DENND5A: variants seen among roughly 807,000 people sequenced by gnomAD.
DENND5A encodes the protein DENN domain-containing protein 5A.
In DENND5A, 64 loss-of-function variants were observed where a neutral mutation model predicts 140.3. That is an observed-to-expected ratio of 0.46 (90% CI 0.37 to 0.56). The LOEUF (loss-of-function observed/expected upper bound fraction) is 0.56, where lower values mean the gene tolerates loss of function less well. DENND5A is among the 20% of genes least tolerant of loss of function. DENND5A has a pLI of 0.00. For missense variants in DENND5A, 1,292 were observed against 1,593.8 expected (o/e 0.81, Z 3.22); for synonymous variants, 605 against 607.7 (o/e 1.00, Z 0.07).
chr11:9,152,270 C>G (rs1420069050), intron 13 of DENND5A, 88 bp downstream of exon 13: 3 of 991,086 alleles, frequency 3.0e-6, no homozygotes, highest in Non-Finnish European at 4.9e-6. Flanking sequence ...CTTCTTCGAC[C>G]TGGAATAGTT....
At chr11:9,203,512 A>G (rs1024446493) in intron 4 of DENND5A, 148 bp downstream of exon 4, 2 of 811,186 alleles carry the variant, frequency 2.5e-6, no homozygotes, top group African/African-American at 3.5e-5. Flanking sequence ...ATGTCTATCA[A>G]TTTGCCATCC....
chr11:9,178,401 G>A (rs1183329008), intron 7 of DENND5A, 35 bp from the exon 8 acceptor site: 1 of 1,360,366 alleles, frequency 7.4e-7, no homozygotes, highest in Admixed American at 1.8e-5. Context: ...AATTGACAGG[G>A]AAAAGGGTAA....
At chr11:9,146,831 T>A in intron 16 of DENND5A, 199 bp downstream of exon 16, 1 of 576,024 alleles carries the variant, frequency 1.7e-6, no homozygotes, top group Non-Finnish European at 3.0e-6. Context: ...GCTCTCCAGT[T>A]CAGAACAAGA....
At chr11:9,256,276 G>A (rs7130400) in intron 1 of DENND5A, among the ~76,000 whole-genome samples, 51,021 of 151,806 alleles carry the variant, frequency 0.34, 9,760 homozygotes, top group African/African-American at 0.51. Context: ...CCTGGCCAAC[G>A]TGGTGAAACC....
At position 9,142,654 on chromosome 11, in the gene DENND5A, T is replaced by C. The variant is rs1398222229; in HGVS notation, c.3511+68A>G. On this transcript the variant is annotated intron_variant, in intron 21 of 22. Transcript: ENST00000328194. ...TGCCTCTCAGAGTGGTCAGCACCCA[T>C]GCTATGCTGGTGAGTCCCCTTATAT... The C allele has an allele frequency of 5.0e-6, 8 of 1,594,946 alleles. No homozygotes were observed. In the Admixed American group the frequency reaches 1.4e-4, roughly 27 times the overall value.
At chr11:9,210,796 C>T (rs545735561) in intron 1 of DENND5A, among the ~76,000 whole-genome samples, 2 of 152,346 alleles carry the variant, frequency 1.3e-5, no homozygotes, top group East Asian at 3.9e-4. Context: ...GCCTCCCTTA[C>T]AGGCATGCTC....
At chr11:9,162,571 T>C (rs958790260) in intron 11 of DENND5A, among the ~76,000 whole-genome samples, 4 of 152,026 alleles carry the variant, frequency 2.6e-5, no homozygotes, top group Non-Finnish European at 2.9e-5. Context: ...TCTGTTTATA[T>C]CTTTGAAGCA....
chr11:9,147,304 TCTAA>T (rs779464896), intron 15 of DENND5A, among the ~76,000 whole-genome samples, 153 bp from the exon 16 acceptor site: 3 of 152,270 alleles, frequency 2.0e-5, no homozygotes, highest in South Asian at 2.1e-4. Flanking sequence ...AGCTAGCTAC[TCTAA>T]CTAAGGGACA....
At chr11:9,141,614 C>T (rs562871457) in intron 22 of DENND5A, among the ~76,000 whole-genome samples, 2 of 152,278 alleles carry the variant, frequency 1.3e-5, no homozygotes, top group Non-Finnish European at 1.5e-5. Context: ...TGCTGAATAC[C>T]GTAGGCAACT....
chr11:9,170,151 G>T, intron 9 of DENND5A: 1 of 519,830 alleles, frequency 1.9e-6, no homozygotes, highest in Non-Finnish European at 2.5e-6. Context: ...CCTCCTCATG[G>T]AACATGTCTC....
intron 22 of DENND5A, 33 bp downstream of exon 22, chr11:9,141,907 C>G (rs755233839): frequency 6.5e-7 from 1 of 1,533,930 alleles, no homozygotes; most frequent in Non-Finnish European, 8.8e-7. Flanking sequence ...CAAGGCTAAC[C>G]GCTGTGCACT....
intron 1 of DENND5A, among the ~76,000 whole-genome samples, chr11:9,243,371 G>A: frequency 6.6e-6 from 1 of 152,072 alleles, no homozygotes; most frequent in Non-Finnish European, 1.5e-5. Context: ...GGGTATATTA[G>A]ATTAAATATT....
chr11:9,170,588 C>G (rs780041420), intron 9 of DENND5A, 39 bp downstream of exon 9: 25 of 1,611,406 alleles, frequency 1.6e-5, no homozygotes, highest in Non-Finnish European at 2.0e-5. Context: ...CCTATTACAG[C>G]TAGGGAGTTG....
intron 5 of DENND5A, among the ~76,000 whole-genome samples, chr11:9,187,349 G>A (rs1333192000): frequency 6.6e-6 from 1 of 152,122 alleles, no homozygotes; most frequent in Non-Finnish European, 1.5e-5. Flanking sequence ...AATGCCAAGT[G>A]ATCAGTTTTC....
chr11:9,261,456 CCTG>C (rs1385643728), intron 1 of DENND5A, among the ~76,000 whole-genome samples: 1 of 152,018 alleles, frequency 6.6e-6, no homozygotes, highest in Non-Finnish European at 1.5e-5. Context: ...TCAGGAAGAA[CCTG>C]CTATTTGTAC....
intron 6 of DENND5A, 72 bp downstream of exon 6, chr11:9,180,695 C>G: frequency 6.8e-7 from 1 of 1,470,100 alleles, no homozygotes; most frequent in Non-Finnish European, 9.3e-7. Context: ...CTTTCTCATC[C>G]CATACCTTAC....
Position 9,147,146 on chromosome 11 carries a change from A to G in DENND5A, c.2741T>C (p.Leu914Ser). 1 of 1,614,036 alleles carries G rather than the reference A, an allele frequency of 6.2e-7. No homozygotes were observed. Among genetic ancestry groups the G allele is most frequent in the Non-Finnish European group, 8.5e-7 (1 of 1,179,938 alleles). Residue 914 changes from leucine (L) to serine (S), a missense_variant, in exon 16 of 23, where the codon TTA (leucine) becomes TCA (serine). By Grantham distance (145) the Leu-to-Ser change is moderately radical (BLOSUM62 -2). Transcript: ENST00000328194. ...GCGCAGGAAGGCATAGCGCTTATATAACTTTCTGTTGGAGAGGAGGTAATA... is the reference window on the plus strand; with the variant it reads ...GCGCAGGAAGGCATAGCGCTTATATGACTTTCTGTTGGAGAGGAGGTAATA... Reference protein sequence around the residue: ...LLSDHELTKKLYKRYAFLRCD... With the variant: ...LLSDHELTKKSYKRYAFLRCD...
chr11:9,233,083 GACT>G (rs963761696), intron 1 of DENND5A, among the ~76,000 whole-genome samples: 7 of 152,176 alleles, frequency 4.6e-5, no homozygotes, highest in Non-Finnish European at 8.8e-5. Flanking sequence ...GACTGAAGTA[GACT>G]ACTTCTTGCT....
chr11:9,170,377 C>T (rs777554815), intron 9 of DENND5A: 2 of 773,446 alleles, frequency 2.6e-6, no homozygotes, highest in Non-Finnish European at 3.1e-6. Flanking sequence ...TGATTTTAAC[C>T]CATCTGCAGC....
Sources: allele counts gnomAD v4.1 joint callset (sites outside exome capture counted in the v4.1 genomes callset), GRCh38; gene constraint gnomAD v4.1.1; transcripts MANE v1.5; gene names NCBI Gene and HGNC (gene_info 2026-07-23, HGNC 2026-07-21).